Variants in NLRP5 observed in about 807,000 individuals in gnomAD.
NLRP5 encodes the protein NLR family pyrin domain containing 5, also known as NACHT, LRR and PYD domains-containing protein 5.
Under a neutral mutation model 113.1 loss-of-function variants are expected in NLRP5, and 93 were observed. The ratio of observed to expected loss-of-function variants is 0.82; its 90% CI spans 0.70 to 0.98. The LOEUF is 0.98. Among genes scored for constraint, NLRP5 ranks in the 50% least tolerant of loss-of-function variants. The probability of loss-of-function intolerance (pLI) is 0.00; values close to 1 mark genes in which losing one functional copy is unlikely to be tolerated. For synonymous variants in NLRP5, 751 were observed against 600.7 expected (o/e 1.25, Z -3.66); for missense variants, 1,808 against 1,514.3 (o/e 1.19, Z -3.22).
At position 56,055,533 on chromosome 19, in the gene NLRP5, C is replaced by CTTTTTTTTTTTTTTTTTTTTTTTTT. The variant is rs1491011983; in HGVS notation, c.3299+1726_3299+1727insTTTTTTTTTTTTTTTTTTTTTTTTT. Reference sequence around the variant, plus strand: ...AGCTCCATGTTCTATTTTTCTTTCTCTGTCTTTTTTTTTTTTTTTTTTTTT... The same window carrying CTTTTTTTTTTTTTTTTTTTTTTTTT: ...AGCTCCATGTTCTATTTTTCTTTCTCTTTTTTTTTTTTTTTTTTTTTTTTTTGTCTTTTTTTTTTTTTTTTTTTTT... On this transcript the variant is annotated intron_variant, in intron 13 of 14. Coordinates refer to ENST00000390649, the MANE Select transcript of NLRP5 (RefSeq NM_153447.4). 1.1e-3 allele frequency among the ~76,000 whole-genome samples: 105 copies of CTTTTTTTTTTTTTTTTTTTTTTTTT among 99,514 alleles called. 8 individuals carry two copies. The highest frequency in any genetic ancestry group is 1.7e-3 in the Non-Finnish European group (81 of 48,240). 65.3% of individuals were successfully genotyped at this position (99,514 alleles called of 152,430 possible). A position where few individuals can be genotyped will look rare whatever the true frequency, so the allele number is the denominator to read the frequency against.
upstream of NLRP5, among the ~76,000 whole-genome samples, chr19:55,996,725 C>T (rs148186458): frequency 3.9e-5 from 6 of 152,260 alleles, no homozygotes; most frequent in East Asian, 1.2e-3. Flanking sequence ...TTTCTTAATC[C>T]AGTCTATCAC....
intron 5 of NLRP5, 46 bp downstream of exon 5, chr19:56,019,444 T>C (rs760562653): frequency 5.1e-6 from 8 of 1,582,966 alleles, no homozygotes; most frequent in Non-Finnish European, 6.1e-6. Context: ...TGGAAGAAAG[T>C]TGGGTGAAAG....
At chr19:56,021,988 A>G (rs77160688) in intron 6 of NLRP5, among the ~76,000 whole-genome samples, 3,591 of 152,294 alleles carry the variant, frequency 0.024, 142 homozygotes, top group African/African-American at 0.082. Context: ...AAGCTGGGCT[A>G]TTATCCCACC....
intron 14 of NLRP5, among the ~76,000 whole-genome samples, chr19:56,059,166 T>G (rs1984263056): frequency 6.6e-6 from 1 of 152,244 alleles, no homozygotes; most frequent in Non-Finnish European, 1.5e-5. Flanking sequence ...TTAACAGCAC[T>G]GAACAATTCA....
chr19:56,045,152 A>C (rs1466591205), intron 11 of NLRP5, among the ~76,000 whole-genome samples: 2 of 152,246 alleles, frequency 1.3e-5, no homozygotes, highest in Non-Finnish European at 2.9e-5. Context: ...TATTGTCAGC[A>C]AACAGTGACA....
At chr19:55,998,672 G>GTATATA (rs368326842), upstream of NLRP5, among the ~76,000 whole-genome samples, 4 of 105,976 alleles carry the variant, frequency 3.8e-5, no homozygotes, top group Middle Eastern at 4.7e-3. Flanking sequence ...GTGTGTGTGT[G>GTATATA]TATATATATA....
chr19:56,005,530 A>C (rs1981863865), intron 2 of NLRP5, among the ~76,000 whole-genome samples: 1 of 121,302 alleles, frequency 8.2e-6, no homozygotes, highest in South Asian at 2.4e-4. Flanking sequence ...ATACACACAC[A>C]CGCACACACG....
chr19:55,999,442 C>G (rs954893797), upstream of NLRP5, among the ~76,000 whole-genome samples: 1 of 152,018 alleles, frequency 6.6e-6, no homozygotes, highest in African/African-American at 2.4e-5. Context: ...TCTCGACCCC[C>G]TGACCTCAGG....
chr19:56,044,334 G>A (rs1053498544), intron 11 of NLRP5, among the ~76,000 whole-genome samples: 12 of 152,182 alleles, frequency 7.9e-5, no homozygotes, highest in East Asian at 1.9e-4. Flanking sequence ...GATTACAGGC[G>A]TGAGCCGCCA....
chr19:56,055,843 C>G (rs1044105131), intron 13 of NLRP5, among the ~76,000 whole-genome samples: 1 of 152,108 alleles, frequency 6.6e-6, no homozygotes, highest in Non-Finnish European at 1.5e-5. Flanking sequence ...CCGCGCCTGG[C>G]CTGTTTTTCT....
chr19:56,047,501 G>A (rs1368840861), intron 11 of NLRP5, among the ~76,000 whole-genome samples: 1 of 152,114 alleles, frequency 6.6e-6, no homozygotes, highest in Non-Finnish European at 1.5e-5. Context: ...TCATTCAGGA[G>A]CAGGTTATTT....
At chr19:56,015,447 C>A (rs980133274) in intron 3 of NLRP5, among the ~76,000 whole-genome samples, 2 of 152,194 alleles carry the variant, frequency 1.3e-5, no homozygotes, top group Admixed American at 6.5e-5. Flanking sequence ...TCGCCTGCCT[C>A]GGCCTCCCAA....
intron 4 of NLRP5, 66 bp downstream of exon 4, chr19:56,015,864 T>A: frequency 8.0e-7 from 1 of 1,257,400 alleles, no homozygotes; most frequent in Non-Finnish European, 1.1e-6. Context: ...GAAGTTCATG[T>A]AGTTCAAAGG....
At position 56,058,385 on chromosome 19, in the gene NLRP5, C is replaced by T. The variant is rs574103124; in HGVS notation, c.3445C>T (p.Pro1149Ser). The T allele has an allele frequency of 2.5e-6, 4 of 1,613,624 alleles. No homozygotes were observed. Among genetic ancestry groups the T allele is most frequent in the East Asian group, 4.5e-5 (2 of 44,882 alleles). ...GAAGCTGTGTTCGGCCTTTGCCTGTCCCACGTCTAACTTACAGATAATTGG... is the reference window on the plus strand; with the variant it reads ...GAAGCTGTGTTCGGCCTTTGCCTGTTCCACGTCTAACTTACAGATAATTGG... Residue 1149 changes from proline to serine, a missense_variant, in exon 14 of 15, where the codon CCC (proline) becomes TCC (serine). Physicochemically the swap from Pro to Ser is moderately conservative, Grantham distance 74. Transcript: ENST00000390649.
intron 10 of NLRP5, among the ~76,000 whole-genome samples, chr19:56,040,092 A>G (rs891317933): frequency 1.3e-5 from 2 of 152,114 alleles, no homozygotes; most frequent in African/African-American, 2.4e-5. Context: ...CTGGGACTAC[A>G]TGCATGTACC....
At chr19:56,013,595 G>GTTTTT (rs1418924718) in intron 3 of NLRP5, among the ~76,000 whole-genome samples, 69 of 30,938 alleles carry the variant, frequency 2.2e-3, no homozygotes, top group South Asian at 3.8e-3. Context: ...TGGACATTTG[G>GTTTTT]GTTTTTTTTT....
intron 2 of NLRP5, among the ~76,000 whole-genome samples, chr19:56,005,175 A>T (rs1981819210): frequency 7.2e-6 from 1 of 139,642 alleles, no homozygotes; most frequent in African/African-American, 2.7e-5. Flanking sequence ...ATATATTTTT[A>T]TATATACACA....
At chr19:56,010,625 T>G (rs1459711304) in intron 3 of NLRP5, among the ~76,000 whole-genome samples, 1 of 151,066 alleles carries the variant, frequency 6.6e-6, no homozygotes, top group Admixed American at 6.6e-5. Context: ...TGGTGGCATG[T>G]GCCCGTAATC....
intron 3 of NLRP5, among the ~76,000 whole-genome samples, chr19:56,015,411 G>T (rs1430914602): frequency 1.3e-5 from 2 of 152,180 alleles, no homozygotes; most frequent in Non-Finnish European, 2.9e-5. Flanking sequence ...GGCCAGGCTG[G>T]TCTTAAACCC....
Sources: allele counts gnomAD v4.1 joint callset (sites outside exome capture counted in the v4.1 genomes callset), GRCh38; gene constraint gnomAD v4.1.1; transcripts MANE v1.5; gene names NCBI Gene and HGNC (gene_info 2026-07-23, HGNC 2026-07-21).